APIP: variants seen among roughly 807,000 people sequenced by gnomAD.
APIP encodes methylthioribulose-1-phosphate dehydratase.
In APIP, 32 loss-of-function variants were observed where a neutral mutation model predicts 32.0. The observed-to-expected ratio is 1.00, with a 90% confidence interval of 0.76 to 1.34. The LOEUF is 1.34. Ranked by LOEUF, APIP falls within the 40% of genes most tolerant of loss-of-function variation. APIP has a pLI of 0.00. For missense variants in APIP, 247 were observed against 298.6 expected, an observed-to-expected ratio of 0.83 and a Z score of 1.27; for synonymous variants, 92 against 94.8, an observed-to-expected ratio of 0.97 and a Z score of 0.17.
intron 1 of APIP, among the ~76,000 whole-genome samples, chr11:34,897,023 G>A (rs72930433): frequency 0.22 from 33,819 of 152,124 alleles, 4,936 homozygotes; most frequent in Non-Finnish European, 0.34. Flanking sequence ...TTACAGATCC[G>A]GTCACTGGGT....
At chr11:34,902,086 A>G (rs1472655621) in intron 1 of APIP, among the ~76,000 whole-genome samples, 1 of 152,192 alleles carries the variant, frequency 6.6e-6, no homozygotes, top group Non-Finnish European at 1.5e-5. Flanking sequence ...CCTAATCCCT[A>G]TACCCTGTTA....
At chr11:34,895,145 T>A (rs759987117) in intron 1 of APIP, 35 bp from the exon 2 acceptor site, 2 of 1,557,950 alleles carry the variant, frequency 1.3e-6, no homozygotes, top group South Asian at 2.2e-5. Context: ...AAAACAGACA[T>A]CATTTTATCA....
At chr11:34,888,609 A>C (rs1853125797) in intron 4 of APIP, 143 bp downstream of exon 4, 3 of 1,094,460 alleles carry the variant, frequency 2.7e-6, no homozygotes, top group Non-Finnish European at 3.9e-6. Flanking sequence ...TCATAGGTTG[A>C]TGTGAGAACT....
At chr11:34,892,794 A>T (rs529810738) in intron 2 of APIP, among the ~76,000 whole-genome samples, 1 of 152,296 alleles carries the variant, frequency 6.6e-6, no homozygotes, top group South Asian at 2.1e-4. Flanking sequence ...TTCTGGAAAC[A>T]TAATTTATTG....
chr11:34,903,099 C>T (rs1853392923), intron 1 of APIP, among the ~76,000 whole-genome samples: 1 of 152,250 alleles, frequency 6.6e-6, no homozygotes, highest in African/African-American at 2.4e-5. Context: ...ATATCAGGCC[C>T]TGCTGTTAGA....
chr11:34,915,001 C>CAAAA (rs33914497), intron 1 of APIP, among the ~76,000 whole-genome samples: 1 of 76,392 alleles, frequency 1.3e-5, no homozygotes, highest in Non-Finnish European at 2.6e-5. Flanking sequence ...CAAAACGTGT[C>CAAAA]AAAAAAAAAA....
chr11:34,885,067 T>C (rs1360008743), intron 5 of APIP, among the ~76,000 whole-genome samples: 2 of 138,598 alleles, frequency 1.4e-5, no homozygotes, highest in Non-Finnish European at 3.3e-5. Context: ...TGTATATGTA[T>C]ACATTATACA....
rs188514551 is a variant in APIP at position 34,887,913 on chromosome 11, T to C, written c.461+380A>G. ...AATATTCCAGAAATACTAAATTAAATCACCATGAAGTATAAACTGTAGTCA... is the reference window on the plus strand; with the variant it reads ...AATATTCCAGAAATACTAAATTAAACCACCATGAAGTATAAACTGTAGTCA... On this transcript the variant is annotated intron_variant, in intron 5 of 6. Coordinates refer to ENST00000395787, the MANE Select transcript of APIP (RefSeq NM_015957.4). Among the ~76,000 whole-genome samples, 181 of 152,264 alleles carry C rather than the reference T, an allele frequency of 1.2e-3. 3 individuals are homozygous for C. The highest frequency in any genetic ancestry group is 5.6e-3 in the South Asian group (27 of 4,830).
At chr11:34,897,505 TAGAC>T (rs61112192) in intron 1 of APIP, among the ~76,000 whole-genome samples, 28,663 of 151,904 alleles carry the variant, frequency 0.19, 3,851 homozygotes, top group African/African-American at 0.39. Context: ...GAAATTATTT[TAGAC>T]AGAGAGGGTA....
chr11:34,903,479 A>G (rs886366003), intron 1 of APIP, among the ~76,000 whole-genome samples: 1 of 152,218 alleles, frequency 6.6e-6, no homozygotes, highest in African/African-American at 2.4e-5. Flanking sequence ...CTGGTTCTCC[A>G]TGCTCATGCT....
At chr11:34,882,911 C>T (rs887673123) in intron 6 of APIP, 95 bp from the exon 7 acceptor site, 1 of 868,716 alleles carries the variant, frequency 1.2e-6, no homozygotes, top group African/African-American at 1.7e-5. Flanking sequence ...GTTAACTCTG[C>T]TTTGTTCCTA....
intron 2 of APIP, among the ~76,000 whole-genome samples, chr11:34,893,343 T>G (rs1389998626): frequency 3.3e-5 from 5 of 152,128 alleles, no homozygotes; most frequent in Non-Finnish European, 7.4e-5. Context: ...AAAGCTTTAT[T>G]TTATACATAC....
At chr11:34,905,486 A>G (rs564887141) in intron 1 of APIP, among the ~76,000 whole-genome samples, 64 of 152,314 alleles carry the variant, frequency 4.2e-4, no homozygotes, top group African/African-American at 1.5e-3. Context: ...AGTGCCGGAG[A>G]ACACTCTGCC....
chr11:34,888,572 G>C, intron 4 of APIP, 144 bp from the exon 5 acceptor site: 3 of 1,291,156 alleles, frequency 2.3e-6, no homozygotes, highest in Non-Finnish European at 3.1e-6. Flanking sequence ...TAGTAGGCAG[G>C]AGGGTAAGTG....
chr11:34,897,802 G>A (rs1025794350), intron 1 of APIP, among the ~76,000 whole-genome samples: 1 of 152,062 alleles, frequency 6.6e-6, no homozygotes, highest in African/African-American at 2.4e-5. Flanking sequence ...AATATTAAAA[G>A]GCTAGGGTGG....
At position 34,901,399 on chromosome 11, in the gene APIP, G is replaced by A. The variant is rs770661337; in HGVS notation, c.58-6289C>T. Among the ~76,000 whole-genome samples, 178 of 27,218 alleles carry A rather than the reference G, an allele frequency of 6.5e-3. 1 individual carries two copies. Among genetic ancestry groups the A allele is most frequent in the Non-Finnish European group, 9.9e-3 (66 of 6,686 alleles). The allele number at this position is 27,218 out of a possible 152,430, so 17.9% of individuals were successfully genotyped here. A position where few individuals can be genotyped will look rare whatever the true frequency, so the allele number is the denominator to read the frequency against. On this transcript the variant is annotated intron_variant, in intron 1 of 6. Transcript: ENST00000395787. ...GGTCCAGCAAGACTGATGGGTCCCG[G>A]GGGCTCAAACCCCTAGCTCCAGCGA...
intron 1 of APIP, among the ~76,000 whole-genome samples, chr11:34,915,572 G>C (rs906632260): frequency 1.3e-5 from 2 of 152,240 alleles, no homozygotes; most frequent in Admixed American, 1.3e-4. Flanking sequence ...TTTATCTTAC[G>C]TATCCCTATC....
intron 5 of APIP, 76 bp from the exon 6 acceptor site, chr11:34,883,580 C>A: frequency 6.8e-7 from 1 of 1,464,812 alleles, no homozygotes; most frequent in Non-Finnish European, 9.2e-7. Flanking sequence ...GTAATTTTTT[C>A]AAGTAACCAG....
intron 1 of APIP, chr11:34,896,698 G>A (rs1297681507): frequency 8.3e-6 from 9 of 1,084,396 alleles, no homozygotes; most frequent in African/African-American, 3.3e-5. Flanking sequence ...TTCTGCACAC[G>A]TATCCCAGAA....
Sources: allele counts gnomAD v4.1 joint callset (sites outside exome capture counted in the v4.1 genomes callset), GRCh38; gene constraint gnomAD v4.1.1; transcripts MANE v1.5; gene names NCBI Gene and HGNC (gene_info 2026-07-23, HGNC 2026-07-21).